SLC6A11: variants seen among roughly 807,000 people sequenced by gnomAD.
The protein encoded by SLC6A11 is solute carrier family 6 member 11.
SLC6A11 carries 25 observed loss-of-function variants against 74.8 expected under a neutral mutation model. The observed-to-expected ratio is 0.33, with a 90% CI of 0.24 to 0.47. SLC6A11 has a LOEUF of 0.47. Among genes scored for constraint, SLC6A11 ranks in the 20% least tolerant of loss-of-function variants. The pLI is 1.00. For missense variants in SLC6A11, 574 were observed against 837.0 expected, an observed-to-expected ratio of 0.69 and a Z score of 3.88; for synonymous variants, 330 against 330.2, an observed-to-expected ratio of 1.00 and a Z score of 0.01.
chr3:10,934,278 G>C, intron 12 of SLC6A11, 112 bp downstream of exon 12: 1 of 723,058 alleles, frequency 1.4e-6, no homozygotes, highest in East Asian at 2.5e-5. Flanking sequence ...TGAGGAGGCT[G>C]ATGTCCCCTG....
At position 10,934,076 on chromosome 3, in the gene SLC6A11, G is replaced by C; in HGVS notation, c.1485G>C (p.Arg495=). 6.2e-7 allele frequency: 1 copy of C among 1,612,732 alleles called. No individual in the cohort carries two copies. Among genetic ancestry groups the C allele is most frequent in the Non-Finnish European group, 8.5e-7 (1 of 1,178,750 alleles). The change falls in exon 12 of 14, where the codon CGG becomes CGC. Residue 495 remains arginine (R), a synonymous_variant. Coordinates refer to ENST00000254488, the MANE Select transcript of SLC6A11 (RefSeq NM_014229.3). Reference sequence around the variant, plus strand: ...ATTTATTCCGGACAGGAAGCAACCGGTTCTATGATAACATTGAAGACATGA... The same window carrying C: ...ATTTATTCCGGACAGGAAGCAACCGCTTCTATGATAACATTGAAGACATGA... ...ICIGWVYGSN[R]FYDNIEDMIG...
At chr3:10,887,185 A>G (rs1425012904) in intron 6 of SLC6A11, among the ~76,000 whole-genome samples, 2 of 152,060 alleles carry the variant, frequency 1.3e-5, no homozygotes, top group Non-Finnish European at 2.9e-5. Flanking sequence ...ATAGGTGGAC[A>G]GATGGATAGA....
At chr3:10,909,833 A>G (rs2106624661) in intron 6 of SLC6A11, among the ~76,000 whole-genome samples, 1 of 152,372 alleles carries the variant, frequency 6.6e-6, no homozygotes, top group Non-Finnish European at 1.5e-5. Flanking sequence ...AGGAATTAAA[A>G]ATACAACCAC....
intron 6 of SLC6A11, among the ~76,000 whole-genome samples, chr3:10,887,200 T>C (rs565812435): frequency 6.6e-6 from 1 of 151,572 alleles, no homozygotes; most frequent in Admixed American, 6.6e-5. Flanking sequence ...GATAGATGAA[T>C]GATAAATGGA....
chr3:10,829,447 T>G lies in SLC6A11; in HGVS notation c.623+6055T>G, dbSNP rs116142208. ...ATGCCTCCTGATTCAGCATCAGAAG[T>G]GCCCTTGGGACCCTTTCCTAGGTCA... On this transcript the variant is annotated intron_variant, in intron 4 of 13. Coordinates refer to ENST00000254488, the MANE Select transcript of SLC6A11 (RefSeq NM_014229.3). Among the ~76,000 whole-genome samples the G allele has an allele frequency of 4.6e-3, 694 of 152,342 alleles. 4 individuals carry two copies. The highest frequency in any genetic ancestry group is 6.0e-3 in the Non-Finnish European group (408 of 68,030).
At chr3:10,864,278 AT>A (rs954086543) in intron 5 of SLC6A11, among the ~76,000 whole-genome samples, 119 of 151,486 alleles carry the variant, frequency 7.9e-4, no homozygotes, top group African/African-American at 2.7e-3. Context: ...TAGATGTTAG[AT>A]TTCTTACCCC....
At chr3:10,842,041 G>A (rs867442754) in intron 4 of SLC6A11, among the ~76,000 whole-genome samples, 3 of 152,308 alleles carry the variant, frequency 2.0e-5, no homozygotes, top group Non-Finnish European at 2.9e-5. Flanking sequence ...TTTGGTGGCC[G>A]TGTGTAAGGC....
chr3:10,905,598 A>C (rs1695292646), intron 6 of SLC6A11, among the ~76,000 whole-genome samples: 1 of 152,246 alleles, frequency 6.6e-6, no homozygotes, highest in African/African-American at 2.4e-5. Context: ...TAACAAATAC[A>C]CCACCTCACT....
Position 10,853,675 on chromosome 3 carries a change from A to G in SLC6A11, c.756+9329A>G, listed in dbSNP as rs573063909. Among the ~76,000 whole-genome samples the G allele has an allele frequency of 2.4e-4, 37 of 152,314 alleles. 2 individuals carry two copies. In the South Asian group the frequency reaches 7.7e-3, roughly 32 times the overall value. On this transcript the variant is annotated intron_variant, in intron 5 of 13. Coordinates refer to ENST00000254488, the MANE Select transcript of SLC6A11 (RefSeq NM_014229.3). ...ACTGGGGAAGTCTCAGCTCTGCTCT[A>G]TAGGCCTTTCATCTGAGTGACTGAG...
chr3:10,917,737 G>C (rs1390514632), intron 7 of SLC6A11, among the ~76,000 whole-genome samples: 3 of 152,314 alleles, frequency 2.0e-5, no homozygotes, highest in African/African-American at 7.2e-5. Flanking sequence ...ACCTCTCCAT[G>C]CAAGGGTTCA....
chr3:10,830,449 G>T (rs1297848719), intron 4 of SLC6A11, among the ~76,000 whole-genome samples: 3 of 152,208 alleles, frequency 2.0e-5, no homozygotes, highest in Non-Finnish European at 2.9e-5. Context: ...AGGTCTCATT[G>T]TAGGTTCTGG....
intron 4 of SLC6A11, among the ~76,000 whole-genome samples, chr3:10,827,658 C>G (rs1469085435): frequency 6.6e-6 from 1 of 152,096 alleles, no homozygotes; most frequent in Non-Finnish European, 1.5e-5. Flanking sequence ...CATCTGAGCT[C>G]CTGGTACACA....
intron 6 of SLC6A11, among the ~76,000 whole-genome samples, chr3:10,910,989 T>G (rs1191571661): frequency 1.3e-5 from 2 of 151,960 alleles, no homozygotes; most frequent in Admixed American, 1.3e-4. Flanking sequence ...ACCTGGCTAA[T>G]TTTTGTATTT....
intron 8 of SLC6A11, among the ~76,000 whole-genome samples, chr3:10,925,096 G>A (rs1449725748): frequency 6.6e-6 from 1 of 152,210 alleles, no homozygotes; most frequent in Non-Finnish European, 1.5e-5. Flanking sequence ...GGGGCCAATG[G>A]CAGTGTTCTA....
At position 10,911,994 on chromosome 3, in the gene SLC6A11, G is replaced by GGGTA. The variant is rs1695393947; in HGVS notation, c.892-94_892-91dup. On this transcript the variant is annotated intron_variant, in intron 6 of 13. Coordinates refer to ENST00000254488, the MANE Select transcript of SLC6A11 (RefSeq NM_014229.3). The stretch of plus-strand genomic sequence containing the variant: ...TTATCCCTTATGGAGTTTTTCTGAA[G>GGGTA]GGTAGAGTGTGGGTGGGGGATTTCA... 13 of 829,408 alleles carry GGGTA rather than the reference G, an allele frequency of 1.6e-5. No homozygotes were observed. In the South Asian group the frequency reaches 1.8e-4, roughly 12 times the overall value. The allele number at this position is 829,408 out of a possible 1,614,324, so 51.4% of individuals were successfully genotyped here. A position where few individuals can be genotyped will look rare whatever the true frequency, so the allele number is the denominator to read the frequency against.
chr3:10,831,236 G>A (rs180851818), intron 4 of SLC6A11, among the ~76,000 whole-genome samples: 16 of 152,136 alleles, frequency 1.1e-4, no homozygotes, highest in Admixed American at 4.6e-4. Flanking sequence ...GCAATAACCC[G>A]CGGCACTGGG....
At chr3:10,828,509 G>A (rs1460735304) in intron 4 of SLC6A11, among the ~76,000 whole-genome samples, 1 of 152,114 alleles carries the variant, frequency 6.6e-6, no homozygotes, top group Non-Finnish European at 1.5e-5. Flanking sequence ...TGGGACTGGG[G>A]TGACTCCCTG....
intron 6 of SLC6A11, among the ~76,000 whole-genome samples, chr3:10,898,220 G>A (rs1031077351): frequency 5.3e-5 from 8 of 152,174 alleles, no homozygotes; most frequent in Non-Finnish European, 8.8e-5. Context: ...ACATGCCCTC[G>A]AGACATTTTC....
At chr3:10,818,612 T>G (rs2254931) in intron 1 of SLC6A11, among the ~76,000 whole-genome samples, 33,007 of 152,144 alleles carry the variant, frequency 0.22, 4,067 homozygotes, top group East Asian at 0.53. Context: ...AGACTTCATT[T>G]GGCAAAAAGC....
Sources: gnomAD v4.1 joint callset for allele counts (sites outside exome capture counted in the v4.1 genomes callset) on GRCh38, gnomAD v4.1.1 for gene constraint, MANE v1.5 for transcripts, NCBI Gene and HGNC (gene_info 2026-07-23, HGNC 2026-07-21) for gene names.